WDR86: variants seen among roughly 807,000 people sequenced by gnomAD.
WDR86 encodes WD repeat domain 86, also known as WD repeat-containing protein 86.
In WDR86, 30 loss-of-function variants were observed where a neutral mutation model predicts 36.5. That is an observed-to-expected ratio of 0.82 (90% CI 0.61 to 1.11). The LOEUF is 1.11. Among genes scored for constraint, WDR86 ranks in the 50% most tolerant of loss-of-function variants. The pLI is 0.00. For synonymous variants in WDR86, 255 were observed against 252.9 expected, an observed-to-expected ratio of 1.01 and a Z score of -0.08; for missense variants, 545 against 561.2, an observed-to-expected ratio of 0.97 and a Z score of 0.29.
rs1348105158 is a variant in WDR86 at position 151,390,670 on chromosome 7, G to T, written c.726+5106C>A. Among the ~76,000 whole-genome samples, 1 of 152,206 alleles carries T rather than the reference G, an allele frequency of 6.6e-6. No homozygotes were observed. The highest frequency in any genetic ancestry group is 2.4e-5 in the African/African-American group (1 of 41,462). On this transcript the variant is annotated intron_variant, in intron 3 of 5. Coordinates refer to ENST00000334493, the MANE Select transcript of WDR86 (RefSeq NM_198285.3). The surrounding 1 kb of genome is among the most constrained non-coding windows in gnomAD (Gnocchi z 4.5). ...GTCTATCAACAGGTGACGGATAAGC[G>T]CAATGTGGTATCCACATACCAGGGA...
chr7:151,395,777 T>C lies in WDR86; in HGVS notation c.725A>G (p.Glu242Gly), dbSNP rs1799774441. 10 of 1,553,980 alleles carry C rather than the reference T, an allele frequency of 6.4e-6. No individual in the cohort carries two copies. The highest frequency in any genetic ancestry group is 7.8e-6 in the Non-Finnish European group (9 of 1,150,734). Reference sequence around the variant, plus strand: ...GGGCGGGGACCAGGACAGTCTCACCTCCAGACAGATGACGGAGCCCCGGTG... The same window carrying C: ...GGGCGGGGACCAGGACAGTCTCACCCCCAGACAGATGACGGAGCCCCGGTG... Reference protein sequence around the residue: ...REHRGSVICLELVNRLVYSGS... With the variant: ...REHRGSVICLGLVNRLVYSGS... The change falls in exon 3 of 6, where the codon GAG (glutamate) becomes GGG (glycine). Residue 242 changes from glutamate (E) to glycine (G), a missense_variant and splice_region_variant. Glu to Gly is a moderately conservative substitution (Grantham distance 98). Coordinates refer to ENST00000334493, the MANE Select transcript of WDR86 (RefSeq NM_198285.3).
intron 1 of WDR86, among the ~76,000 whole-genome samples, chr7:151,404,584 T>C (rs2374131): frequency 0.85 from 129,466 of 152,262 alleles, 55,520 homozygotes; most frequent in African/African-American, 0.96. Context: ...CCGAGGACCC[T>C]AGGACAGAAG....
At chr7:151,374,760 G>C (rs1027276343), downstream of WDR86, 1 of 170,294 alleles carries the variant, frequency 5.9e-6, no homozygotes, top group African/African-American at 2.4e-5. Flanking sequence ...CCCTGTGTTG[G>C]AGAAGCATAT....
At position 151,390,226 on chromosome 7, in the gene WDR86, T is replaced by G. The variant is rs959812374; in HGVS notation, c.727-5003A>C. Among the ~76,000 whole-genome samples the G allele has an allele frequency of 9.2e-5, 14 of 152,120 alleles. No homozygotes were observed. The highest frequency in any genetic ancestry group is 3.3e-4 in the Admixed American group (5 of 15,282). On this transcript the variant is annotated intron_variant, in intron 3 of 5. Transcript: ENST00000334493. The surrounding 1 kb of genome is among the most constrained non-coding windows in gnomAD (Gnocchi z 4.5). ...TGGAGGGGAGGAGATGAAAAGTCCC[T>G]GGTTCAGCCCTCAACGACAGAGCTC...
chr7:151,391,555 G>C (rs1799441582), intron 3 of WDR86, among the ~76,000 whole-genome samples: 1 of 152,178 alleles, frequency 6.6e-6, no homozygotes, highest in Non-Finnish European at 1.5e-5. Context: ...GGTCCGGCTG[G>C]ATTCTGTTTC....
the WDR86 span, among the ~76,000 whole-genome samples, chr7:151,370,243 C>G: frequency 6.6e-6 from 1 of 152,100 alleles, no homozygotes; most frequent in Non-Finnish European, 1.5e-5. Flanking sequence ...CCCACCACCA[C>G]GCCCAGCTTT....
At chr7:151,391,199 A>T in intron 3 of WDR86, among the ~76,000 whole-genome samples, 1 of 152,210 alleles carries the variant, frequency 6.6e-6, no homozygotes, top group Non-Finnish European at 1.5e-5. Flanking sequence ...GAGAACTGAC[A>T]TAGCCACCTG....
intron 2 of WDR86, among the ~76,000 whole-genome samples, chr7:151,398,843 C>T (rs918022362): frequency 6.6e-6 from 1 of 152,218 alleles, no homozygotes; most frequent in East Asian, 1.9e-4. Context: ...TGAGGGCCCA[C>T]TGGTCACTGC....
downstream of WDR86, among the ~76,000 whole-genome samples, chr7:151,371,892 A>C (rs1797975205): frequency 6.6e-6 from 1 of 152,078 alleles, no homozygotes. Flanking sequence ...TTTTTTGTAG[A>C]AATGGGGTCT....
At chr7:151,372,221 C>A (rs75024525), downstream of WDR86, among the ~76,000 whole-genome samples, 603 of 152,346 alleles carry the variant, frequency 4.0e-3, 3 homozygotes, top group Middle Eastern at 0.014. Context: ...TTCTACTTAA[C>A]TGTAGCCACT....
In WDR86 at chr7:151,381,702, C is replaced by T. The variant is rs1292944122; in HGVS notation, c.1011G>A (p.Leu337=). Residue 337 remains leucine, a synonymous_variant, in exon 6 of 6, where the codon CTG becomes CTA. Coordinates refer to ENST00000334493, the MANE Select transcript of WDR86 (RefSeq NM_198285.3). The surrounding 1 kb of genome is among the most constrained non-coding windows in gnomAD (Gnocchi z 4.8). ...GGAGCCCGCGCACGTCCCAGAGGCG[C>T]AGGGCGCCGTCGTGCGAGGCGGTGT... ...VLYTASHDGA[L]RLWDVRGLRG... 2.7e-6 allele frequency: 4 copies of T among 1,490,756 alleles called. No individual in the cohort carries two copies. The highest frequency in any genetic ancestry group is 3.5e-6 in the Non-Finnish European group (4 of 1,127,162). The allele number at this position is 1,490,756 out of a possible 1,614,324, so 92.3% of individuals were successfully genotyped here. A position where few individuals can be genotyped will look rare whatever the true frequency, so the allele number is the denominator to read the frequency against.
chr7:151,377,344 AG>A, downstream of WDR86: 1 of 345,288 alleles, frequency 2.9e-6, no homozygotes, highest in Non-Finnish European at 5.4e-6. Context: ...TGGGTGTAGG[AG>A]GGGGTGGGCA....
In WDR86 at chr7:151,402,070, A is replaced by AATATATATATAT. The variant is rs748373598; in HGVS notation, c.164-1841_164-1830dup. Among the ~76,000 whole-genome samples the AATATATATATAT allele has an allele frequency of 6.3e-3, 319 of 50,328 alleles. 6 individuals are homozygous for AATATATATATAT. Among genetic ancestry groups the AATATATATATAT allele is most frequent in the African/African-American group, 6.6e-3 (56 of 8,464 alleles). 33.0% of individuals were successfully genotyped at this position (50,328 alleles called of 152,430 possible). ...CTCAAAAAAAAAAAAAAAAAAAAAA[A>AATATATATATAT]ATATATATATATATATATATATCTC... On this transcript the variant is annotated intron_variant, in intron 1 of 5. Coordinates refer to ENST00000334493, the MANE Select transcript of WDR86 (RefSeq NM_198285.3).
At chr7:151,383,178 T>TC (rs1217557339) in intron 4 of WDR86, among the ~76,000 whole-genome samples, 4,271 of 58,472 alleles carry the variant, frequency 0.073, 84 homozygotes, top group Middle Eastern at 0.17. Flanking sequence ...GGCGGCGGGG[T>TC]GGGGGGGGGG....
At chr7:151,382,812 G>A (rs1023748067) in intron 4 of WDR86, among the ~76,000 whole-genome samples, 1 of 152,150 alleles carries the variant, frequency 6.6e-6, no homozygotes, top group Non-Finnish European at 1.5e-5. Context: ...AGATGGAAAG[G>A]GAGGGAGGAA....
At chr7:151,396,497 G>A (rs1248067418) in intron 2 of WDR86, among the ~76,000 whole-genome samples, 5 of 152,206 alleles carry the variant, frequency 3.3e-5, no homozygotes, top group Admixed American at 2.6e-4. Context: ...CAGGAGCAGC[G>A]GGAAGGGGAT....
intron 4 of WDR86, 22 bp downstream of exon 4, chr7:151,385,066 C>T (rs1270874004): frequency 1.9e-6 from 3 of 1,572,094 alleles, no homozygotes; most frequent in South Asian, 1.2e-5. Context: ...TGGCACAGGT[C>T]GTGCAGGGCC....
At chr7:151,375,239 G>T (rs1052534244), downstream of WDR86, among the ~76,000 whole-genome samples, 1 of 152,172 alleles carries the variant, frequency 6.6e-6, no homozygotes, top group Admixed American at 6.5e-5. Context: ...ATTTTTATTT[G>T]AATATCATCT....
chr7:151,398,417 C>T lies in WDR86; in HGVS notation c.305+1683G>A, dbSNP rs184919273. Among the ~76,000 whole-genome samples, 17 of 77,706 alleles carry T rather than the reference C, an allele frequency of 2.2e-4. No homozygotes were observed. In the East Asian group the frequency reaches 2.3e-3, roughly 10 times the overall value. 51.0% of individuals were successfully genotyped at this position (77,706 alleles called of 152,430 possible). Reference sequence around the variant, plus strand: ...TGTATGGGTGTATATGTATGTTGTGCGTGTGTGCACATGTGTAAGTTGTGT... The same window carrying T: ...TGTATGGGTGTATATGTATGTTGTGTGTGTGTGCACATGTGTAAGTTGTGT... On this transcript the variant is annotated intron_variant, in intron 2 of 5. Transcript: ENST00000334493.
Sources: allele counts gnomAD v4.1 joint callset (sites outside exome capture counted in the v4.1 genomes callset), GRCh38; gene constraint gnomAD v4.1.1; non-coding constraint Gnocchi (gnomAD v3.1); transcripts MANE v1.5; gene names NCBI Gene and HGNC (gene_info 2026-07-23, HGNC 2026-07-21).